The following JMY variants were observed in gnomAD, a reference collection of about 807,000 sequenced individuals.
The protein encoded by JMY is junction-mediating and -regulatory protein.
A neutral mutation model predicts 103.3 loss-of-function variants in JMY; 46 were observed. The ratio of observed to expected loss-of-function variants is 0.45; its 90% CI spans 0.35 to 0.57. The LOEUF is 0.57. JMY is among the 20% of genes least tolerant of loss of function. The probability of loss-of-function intolerance (pLI) is 0.00; values close to 1 mark genes in which losing one functional copy is unlikely to be tolerated. For missense variants in JMY, 1,238 were observed against 1,255.2 expected (o/e 0.99, Z 0.21); for synonymous variants, 526 against 489.3 (o/e 1.07, Z -0.99).
intron 10 of JMY, among the ~76,000 whole-genome samples, chr5:79,317,230 A>C (rs1747259427): frequency 6.6e-6 from 1 of 152,166 alleles, no homozygotes; most frequent in East Asian, 1.9e-4. Context: ...CCTTAAAAAA[A>C]ACTACTTATT....
Position 79,270,487 on chromosome 5 carries a change from TTACA to T in JMY, c.1033-7420_1033-7417del, listed in dbSNP as rs35041085. On this transcript the variant is annotated intron_variant, in intron 1 of 10. Transcript: ENST00000396137. Reference sequence around the variant, plus strand: ...TTAAAATGTATATTTACATAAATATTTACATAAAATATATATTTACATAAATATT... The same window carrying T: ...TTAAAATGTATATTTACATAAATATTTAAAATATATATTTACATAAATATT... 9.6e-3 allele frequency among the ~76,000 whole-genome samples: 839 copies of T among 87,074 alleles called. 64 individuals carry two copies. Among genetic ancestry groups the T allele is most frequent in the South Asian group, 0.02 (57 of 2,872 alleles). 57.1% of individuals were successfully genotyped at this position (87,074 alleles called of 152,430 possible).
In JMY at chr5:79,324,082, G is replaced by GAGTT. The variant is rs1747552237; in HGVS notation, c.*2482_*2485dup. 1 of 151,878 alleles carries GAGTT rather than the reference G, an allele frequency of 6.6e-6. No homozygotes were observed. Among genetic ancestry groups the GAGTT allele is most frequent in the South Asian group, 2.1e-4 (1 of 4,800 alleles). 9.4% of individuals were successfully genotyped at this position (151,878 alleles called of 1,614,324 possible). On this transcript the variant is annotated 3_prime_UTR_variant, in exon 11 of 11. Coordinates refer to ENST00000396137, the MANE Select transcript of JMY (RefSeq NM_152405.5). ...AATGATTGCAGGTCAAAAACCTTTG[G>GAGTT]AGTTACTCACAAATAATAATAAAAT...
chr5:79,306,854 T>C (rs1746898832), intron 7 of JMY, among the ~76,000 whole-genome samples: 1 of 152,220 alleles, frequency 6.6e-6, no homozygotes, highest in African/African-American at 2.4e-5. Context: ...ATGACATGAA[T>C]CTGCTATTAT....
In JMY at chr5:79,237,091, A is replaced by G. The variant is rs1435159860; in HGVS notation, c.441A>G (p.Lys147=). Residue 147 remains lysine, a synonymous_variant, in exon 1 of 11, where the codon AAA becomes AAG. Coordinates refer to ENST00000396137, the MANE Select transcript of JMY (RefSeq NM_152405.5). ...ESRLRSPVRA[K]PIPGQKTSEA... is the part of the protein sequence containing the mutation. ...GTCTTAGGAGCCCAGTGCGGGCCAA[A>G]CCCATCCCGGGTCAGAAAACATCTG... The G allele has an allele frequency of 6.5e-6, 10 of 1,547,676 alleles. No individual in the cohort carries two copies. The highest frequency in any genetic ancestry group is 8.7e-6 in the Non-Finnish European group (10 of 1,145,272).
chr5:79,319,528 C>A (rs1747368322), intron 10 of JMY, among the ~76,000 whole-genome samples: 1 of 151,512 alleles, frequency 6.6e-6, no homozygotes, highest in Admixed American at 6.6e-5. Flanking sequence ...GAAGGCTTTA[C>A]CGCAATTTGT....
At chr5:79,245,635 TC>T (rs1188296919) in intron 1 of JMY, among the ~76,000 whole-genome samples, 1 of 152,064 alleles carries the variant, frequency 6.6e-6, no homozygotes, top group Non-Finnish European at 1.5e-5. Flanking sequence ...TTGGTTTTTT[TC>T]TTTTTTTGAG....
At chr5:79,280,821 C>G (rs1376359890) in intron 2 of JMY, among the ~76,000 whole-genome samples, 2 of 150,036 alleles carry the variant, frequency 1.3e-5, no homozygotes, top group Non-Finnish European at 3.0e-5. Flanking sequence ...AGAACTGATA[C>G]AGTACTCAAA....
chr5:79,256,112 G>A (rs1745236156), intron 1 of JMY, among the ~76,000 whole-genome samples: 1 of 152,230 alleles, frequency 6.6e-6, no homozygotes, highest in Non-Finnish European at 1.5e-5. Context: ...GTGTTCTATT[G>A]TATGGCAGCT....
intron 1 of JMY, among the ~76,000 whole-genome samples, chr5:79,245,302 G>C (rs887170690): frequency 1.3e-5 from 2 of 152,104 alleles, no homozygotes; most frequent in African/African-American, 4.8e-5. Context: ...GATGAACACT[G>C]TTTCTTTGGG....
intron 1 of JMY, among the ~76,000 whole-genome samples, chr5:79,276,677 G>A (rs1274979035): frequency 6.6e-6 from 1 of 151,936 alleles, no homozygotes; most frequent in Non-Finnish European, 1.5e-5. Flanking sequence ...CGTGATCTCG[G>A]CTCACTGCAA....
At chr5:79,268,972 T>C (rs1745665214) in intron 1 of JMY, among the ~76,000 whole-genome samples, 2 of 152,188 alleles carry the variant, frequency 1.3e-5, no homozygotes, top group Non-Finnish European at 2.9e-5. Flanking sequence ...CTTTTCATTC[T>C]TAATAGTGTC....
chr5:79,300,825 C>A lies in JMY; in HGVS notation c.1843C>A (p.Arg615=). The change falls in exon 6 of 11, where the codon CGG becomes AGG. Residue 615 remains arginine, a synonymous_variant. Coordinates refer to ENST00000396137, the MANE Select transcript of JMY (RefSeq NM_152405.5). ...ACGCCAGCTGGAAGCAAGACGTGGACGGGTTTCTGCCAAGAAATCCTACCT... is the reference window on the plus strand; with the variant it reads ...ACGCCAGCTGGAAGCAAGACGTGGAAGGGTTTCTGCCAAGAAATCCTACCT... ...KARQLEARRG[R]VSAKKSYLRN... The A allele has an allele frequency of 6.3e-7, 1 of 1,597,578 alleles. No individual in the cohort carries two copies. The highest frequency in any genetic ancestry group is 8.5e-7 in the Non-Finnish European group (1 of 1,175,096).
rs181770929 is a variant in JMY at position 79,316,193 on chromosome 5, C to T, written c.2853C>T (p.Pro951=). ...TGAGAGAATCCTTCACACTTCTACC[C>T]GATACAGACCCTCTAACACGGAGCA... The part of the protein sequence containing the change: ...DVLRESFTLL[P]DTDPLTRSIH... Residue 951 remains proline, a synonymous_variant, in exon 10 of 11, where the codon CCC becomes CCT. Transcript: ENST00000396137. The T allele has an allele frequency of 7.4e-6, 12 of 1,613,954 alleles. No homozygotes were observed. Among genetic ancestry groups the T allele is most frequent in the East Asian group, 4.5e-5 (2 of 44,872 alleles).
At chr5:79,246,732 T>C (rs768965772) in intron 1 of JMY, among the ~76,000 whole-genome samples, 3 of 151,878 alleles carry the variant, frequency 2.0e-5, no homozygotes, top group Non-Finnish European at 4.4e-5. Context: ...AATGCGAAAA[T>C]TAGCTGGGTG....
chr5:79,237,761 G>T (rs72764988), intron 1 of JMY, 79 bp downstream of exon 1: 6 of 1,317,484 alleles, frequency 4.6e-6, no homozygotes, highest in Non-Finnish European at 3.1e-6. Context: ...GAGCCTCGGT[G>T]TCGGGTGTGC....
chr5:79,314,403 G>A lies in JMY; in HGVS notation c.2211G>A (p.Val737=). ...VLQVEEKTEE[V]GEGRVKRGPS... ...AGGTAGAAGAGAAAACTGAAGAGGT[G>A]GGAGAAGGAAGAGTCAAGCGTGGGC... The change falls in exon 9 of 11, where the codon GTG becomes GTA. Residue 737 remains valine, a synonymous_variant. Transcript: ENST00000396137. 1.2e-6 allele frequency: 2 copies of A among 1,614,148 alleles called. No individual in the cohort carries two copies. Among genetic ancestry groups the A allele is most frequent in the Non-Finnish European group, 1.7e-6 (2 of 1,180,022 alleles).
Position 79,241,706 on chromosome 5 carries a change from A to G in JMY, c.1032+4024A>G, listed in dbSNP as rs779589801. On this transcript the variant is annotated intron_variant, in intron 1 of 10. Coordinates refer to ENST00000396137, the MANE Select transcript of JMY (RefSeq NM_152405.5). Reference sequence around the variant, plus strand: ...TGCGTTTAAAAGTTATGTTTATGCTATAATGTACATTATACTTCTTAGGGG... The same window carrying G: ...TGCGTTTAAAAGTTATGTTTATGCTGTAATGTACATTATACTTCTTAGGGG... Among the ~76,000 whole-genome samples, 4 of 152,254 alleles carry G rather than the reference A, an allele frequency of 2.6e-5. No individual in the cohort carries two copies. In the East Asian group the frequency reaches 5.8e-4, roughly 22 times the overall value.
At chr5:79,271,398 G>C (rs146738038) in intron 1 of JMY, among the ~76,000 whole-genome samples, 1 of 152,078 alleles carries the variant, frequency 6.6e-6, no homozygotes, top group South Asian at 2.1e-4. Context: ...CTCACAAAAC[G>C]AGTTAGGAAG....
rs1170588100 is a variant in JMY, at chr5:79,327,000, G to A, written c.*5398G>A. 1 of 152,136 alleles carries A rather than the reference G, an allele frequency of 6.6e-6. No individual in the cohort carries two copies. Among genetic ancestry groups the A allele is most frequent in the Non-Finnish European group, 1.5e-5 (1 of 68,016 alleles). 9.4% of individuals were successfully genotyped at this position (152,136 alleles called of 1,614,324 possible). On this transcript the variant is annotated 3_prime_UTR_variant, in exon 11 of 11. Transcript: ENST00000396137. ...ATCTCCAGTAATCGTTTTGACTGTT[G>A]CCTTTTGCTCTTTAGTGCAGCTTTT...
Sources: allele counts gnomAD v4.1 joint callset (sites outside exome capture counted in the v4.1 genomes callset), GRCh38; gene constraint gnomAD v4.1.1; transcripts MANE v1.5; gene names NCBI Gene and HGNC (gene_info 2026-07-23, HGNC 2026-07-21).